MICU3: variants seen among roughly 807,000 people sequenced by gnomAD.
MICU3 encodes mitochondrial calcium uptake 3.
In MICU3, 62 loss-of-function variants were observed where a neutral mutation model predicts 66.5. That is an observed-to-expected ratio of 0.93 (90% CI 0.76 to 1.15). MICU3 has a LOEUF of 1.15. MICU3 is among the 50% of genes most tolerant of loss of function. MICU3 has a pLI of 0.00. For missense variants in MICU3, 779 were observed against 664.4 expected (o/e 1.17, Z -1.90); for synonymous variants, 308 against 240.7 (o/e 1.28, Z -2.59).
At chr8:17,133,659 C>G in the MICU3 span, among the ~76,000 whole-genome samples, 1 of 152,110 alleles carries the variant, frequency 6.6e-6, no homozygotes, top group East Asian at 1.9e-4. Context: ...AAAAATCCAC[C>G]TGGGACTAAT....
chr8:17,114,305 G>C, intron 12 of MICU3, 104 bp downstream of exon 12: 1 of 665,050 alleles, frequency 1.5e-6, no homozygotes, highest in South Asian at 2.1e-5. Flanking sequence ...CCATCAACTT[G>C]TGTGAAAGTC....
chr8:17,031,333 G>T (rs1812032635), intron 1 of MICU3, among the ~76,000 whole-genome samples: 1 of 150,270 alleles, frequency 6.7e-6, no homozygotes, highest in Non-Finnish European at 1.5e-5. Context: ...TATCGCTCAG[G>T]CTGGACTGCA....
intron 9 of MICU3, among the ~76,000 whole-genome samples, chr8:17,099,770 G>A (rs1054864050): frequency 3.3e-5 from 5 of 151,666 alleles, no homozygotes; most frequent in South Asian, 2.1e-4. Context: ...CTCTTAGAGT[G>A]CATACAAGTC....
chr8:17,059,096 A>G (rs970195417), intron 1 of MICU3, among the ~76,000 whole-genome samples: 7 of 152,220 alleles, frequency 4.6e-5, no homozygotes, highest in African/African-American at 1.7e-4. Flanking sequence ...TTGACATTAA[A>G]TATTCATCTT....
At chr8:17,070,078 A>G (rs1430422704) in intron 3 of MICU3, among the ~76,000 whole-genome samples, 2 of 152,084 alleles carry the variant, frequency 1.3e-5, no homozygotes, top group African/African-American at 4.8e-5. Flanking sequence ...TGTACCTTGT[A>G]AAGTTGAACT....
In MICU3 at chr8:17,064,068, G is replaced by A. The variant is rs187936833; in HGVS notation, c.382-16G>A. 6.9e-6 allele frequency: 11 copies of A among 1,600,208 alleles called. No homozygotes were observed. In the Admixed American group the frequency reaches 1.7e-4, roughly 25 times the overall value. On this transcript the variant is annotated splice_polypyrimidine_tract_variant and intron_variant, in intron 1 of 14. Transcript: ENST00000318063. ...TACTTCACATCATCCAAATGTATTT[G>A]CTTTCTTAACTTTAGGTTGCTATTG...
chr8:17,064,136 G>A lies in MICU3; in HGVS notation c.434G>A (p.Arg145Gln), dbSNP rs755652013. The A allele has an allele frequency of 6.2e-6, 10 of 1,613,288 alleles. No homozygotes were observed. The highest frequency in any genetic ancestry group is 2.2e-5 in the South Asian group (2 of 90,996). ...GACTTAGACCTTTATGCCACATCTC[G>A]GGAGAGGCGATTTCGTTTATTTGCT... Reference protein sequence around the residue: ...IEDLDLYATSRERRFRLFASI... With the variant: ...IEDLDLYATSQERRFRLFASI... Residue 145 changes from arginine to glutamine, a missense_variant, in exon 2 of 15, where the codon CGG becomes CAG. Arg to Gln is a conservative substitution (Grantham distance 43). Coordinates refer to ENST00000318063, the MANE Select transcript of MICU3 (RefSeq NM_181723.3).
chr8:17,137,347 T>A, the MICU3 span, among the ~76,000 whole-genome samples: 5 of 152,020 alleles, frequency 3.3e-5, no homozygotes, highest in East Asian at 3.8e-4. Context: ...CTAATTTTTT[T>A]TCTCCCAGTG....
At chr8:17,122,791 C>T (rs986582590), downstream of MICU3, 1 of 152,016 alleles carries the variant, frequency 6.6e-6, no homozygotes, top group Non-Finnish European at 1.5e-5. Context: ...ACATTTATCT[C>T]ATCAACACCT....
chr8:17,125,578 G>A (rs796353819), downstream of MICU3, among the ~76,000 whole-genome samples: 12 of 152,256 alleles, frequency 7.9e-5, no homozygotes, highest in African/African-American at 2.2e-4. Flanking sequence ...CTATCAGTAT[G>A]TATAGGTCTT....
chr8:17,077,479 T>C (rs1053122006), intron 3 of MICU3, among the ~76,000 whole-genome samples: 3 of 152,326 alleles, frequency 2.0e-5, no homozygotes, highest in African/African-American at 7.2e-5. Context: ...CTCCAGGACT[T>C]AAACTCACTG....
intron 1 of MICU3, among the ~76,000 whole-genome samples, chr8:17,037,712 C>T (rs1409624972): frequency 6.6e-6 from 1 of 152,210 alleles, no homozygotes; most frequent in Non-Finnish European, 1.5e-5. Flanking sequence ...CAATAGCTTG[C>T]ACCATGCACC....
At chr8:17,080,671 G>A (rs1333034634) in intron 4 of MICU3, among the ~76,000 whole-genome samples, 2 of 152,050 alleles carry the variant, frequency 1.3e-5, no homozygotes, top group African/African-American at 2.4e-5. Flanking sequence ...TCTGTCTATA[G>A]GTCACAATAT....
Position 17,105,423 on chromosome 8 carries a change from A to G in MICU3, c.1096A>G (p.Asn366Asp). ...ACATTTTTGTCATAGATTCATGGAT[A>G]ATCTCCAAACAGAAGTTCTAGAAAT... ...NFEDFYRFMD[N>D]LQTEVLEIEF... Residue 366 changes from asparagine (N) to aspartate (D), a missense_variant, in exon 11 of 15, where the codon AAT (asparagine) becomes GAT (aspartate). Coordinates refer to ENST00000318063, the MANE Select transcript of MICU3 (RefSeq NM_181723.3). The G allele has an allele frequency of 6.5e-7, 1 of 1,540,464 alleles. No individual in the cohort carries two copies. The highest frequency in any genetic ancestry group is 8.8e-7 in the Non-Finnish European group (1 of 1,135,980).
intron 2 of MICU3, among the ~76,000 whole-genome samples, chr8:17,065,703 A>G (rs546805781): frequency 1.2e-4 from 18 of 152,328 alleles, no homozygotes; most frequent in African/African-American, 4.3e-4. Flanking sequence ...AGATTTAAAA[A>G]CATGAAGGTT....
At chr8:17,134,951 C>A in the MICU3 span, among the ~76,000 whole-genome samples, 1 of 152,200 alleles carries the variant, frequency 6.6e-6, no homozygotes, top group African/African-American at 2.4e-5. Flanking sequence ...CATCACAACA[C>A]CTTTATACTA....
At chr8:17,134,484 AC>A in the MICU3 span, among the ~76,000 whole-genome samples, 4,268 of 152,050 alleles carry the variant, frequency 0.028, 186 homozygotes, top group African/African-American at 0.098. Context: ...TCACTCTGTC[AC>A]TCAGGCTGGA....
At chr8:17,073,672 T>C (rs1585347406) in intron 3 of MICU3, among the ~76,000 whole-genome samples, 1 of 152,132 alleles carries the variant, frequency 6.6e-6, no homozygotes, top group Admixed American at 6.5e-5. Flanking sequence ...CAGTCCCTGG[T>C]GCCAAAAAGG....
intron 5 of MICU3, among the ~76,000 whole-genome samples, chr8:17,084,167 G>A (rs1585405093): frequency 6.6e-6 from 1 of 152,066 alleles, no homozygotes; most frequent in East Asian, 1.9e-4. Context: ...ATCTATAAGT[G>A]TCTCCCTCTT....
Sources: gnomAD v4.1 joint callset for allele counts (sites outside exome capture counted in the v4.1 genomes callset) on GRCh38, gnomAD v4.1.1 for gene constraint, MANE v1.5 for transcripts, NCBI Gene and HGNC (gene_info 2026-07-23, HGNC 2026-07-21) for gene names.